Variants in UMAD1 observed in about 807,000 individuals in gnomAD.
UMAD1 encodes UBAP1-MVB12-associated (UMA) domain containing 1, also known as UBAP1-MVB12-associated (UMA)-domain containing protein 1.
In UMAD1, 8 loss-of-function variants were observed where a neutral mutation model predicts 6.1. The ratio of observed to expected loss-of-function variants is 1.30; its 90% CI spans 0.76 to 2.35. The LOEUF is 2.35. UMAD1 is among the 30% of genes most tolerant of loss of function. The pLI, the probability that UMAD1 is intolerant of heterozygous loss-of-function variation, is 0.00. For missense variants in UMAD1, 130 were observed against 78.4 expected (o/e 1.66, Z -2.49); for synonymous variants, 56 against 31.4 (o/e 1.78, Z -2.61).
chr7:7,763,223 T>G (rs1386358237), intron 2 of UMAD1, among the ~76,000 whole-genome samples: 1 of 152,248 alleles, frequency 6.6e-6, no homozygotes, highest in Non-Finnish European at 1.5e-5. Flanking sequence ...TTAAAGCCAA[T>G]GACATTTTAA....
intron 2 of UMAD1, among the ~76,000 whole-genome samples, chr7:7,723,219 G>A (rs1039026918): frequency 4.6e-5 from 7 of 152,296 alleles, no homozygotes; most frequent in Middle Eastern, 3.4e-3. Flanking sequence ...AAATTTTTCA[G>A]TTTACATAAG....
At chr7:7,785,931 C>T (rs1175434230) in intron 2 of UMAD1, among the ~76,000 whole-genome samples, 1 of 152,138 alleles carries the variant, frequency 6.6e-6, no homozygotes, top group African/African-American at 2.4e-5. Flanking sequence ...ATCTGTATAT[C>T]ATATTCATGT....
chr7:7,777,011 G>A (rs762282920), intron 2 of UMAD1, among the ~76,000 whole-genome samples: 8 of 152,104 alleles, frequency 5.3e-5, no homozygotes, highest in Non-Finnish European at 1.2e-4. Context: ...ATGCTTGTAT[G>A]CAAAAGGTAG....
At chr7:7,717,680 T>G (rs1473961158) in intron 2 of UMAD1, among the ~76,000 whole-genome samples, 1 of 152,146 alleles carries the variant, frequency 6.6e-6, no homozygotes, top group African/African-American at 2.4e-5. Flanking sequence ...CAGCATGGAG[T>G]ATTTGGAAAA....
intron 2 of UMAD1, among the ~76,000 whole-genome samples, chr7:7,714,509 A>T (rs1318907218): frequency 6.6e-6 from 1 of 152,258 alleles, no homozygotes; most frequent in Non-Finnish European, 1.5e-5. Context: ...ATATAGTTTA[A>T]TTGCTAAAAT....
At chr7:7,658,108 G>C (rs1485447588) in intron 1 of UMAD1, among the ~76,000 whole-genome samples, 1 of 152,088 alleles carries the variant, frequency 6.6e-6, no homozygotes, top group Non-Finnish European at 1.5e-5. Flanking sequence ...TTGGCTCTCT[G>C]TTTGTCTATT....
intron 2 of UMAD1, among the ~76,000 whole-genome samples, chr7:7,783,123 G>A (rs1019908157): frequency 1.3e-5 from 2 of 152,152 alleles, no homozygotes; most frequent in Admixed American, 6.6e-5. Context: ...TGGTTTTGCT[G>A]ATTTTTAGGA....
chr7:7,687,575 C>G (rs10254022), intron 2 of UMAD1, among the ~76,000 whole-genome samples: 1,607 of 152,280 alleles, frequency 0.011, 25 homozygotes, highest in African/African-American at 0.033. Flanking sequence ...ACCAGAAAGT[C>G]TATTCACACC....
In UMAD1 at chr7:7,796,244, C is replaced by CTTTTTTTTTTTTTT. The variant is rs59221325; in HGVS notation, c.83-5415_83-5402dup. ...ACTTTGACCCATTTCTATTTTCTTT[C>CTTTTTTTTTTTTTT]TTTTTTTTTTTTTTTTTTTTTTTTG... On this transcript the variant is annotated intron_variant, in intron 2 of 3. Transcript: ENST00000682710. Among the ~76,000 whole-genome samples, 73 of 63,954 alleles carry CTTTTTTTTTTTTTT rather than the reference C, an allele frequency of 1.1e-3. 5 individuals are homozygous for CTTTTTTTTTTTTTT. Among genetic ancestry groups the CTTTTTTTTTTTTTT allele is most frequent in the African/African-American group, 3.8e-3 (39 of 10,246 alleles). 42.0% of individuals were successfully genotyped at this position (63,954 alleles called of 152,430 possible). A position where few individuals can be genotyped will look rare whatever the true frequency, so the allele number is the denominator to read the frequency against.
At position 7,654,641 on chromosome 7, in the gene UMAD1, G is replaced by C. The variant is rs562359110; in HGVS notation, c.-64+13820G>C. ...ATTTGGGCTGGGTGCGGTGGCTCATGCTTGTAATCCCAGCACTTTGGGAGC... is the reference window on the plus strand; with the variant it reads ...ATTTGGGCTGGGTGCGGTGGCTCATCCTTGTAATCCCAGCACTTTGGGAGC... On this transcript the variant is annotated intron_variant, in intron 1 of 3. Coordinates refer to ENST00000682710, the MANE Select transcript of UMAD1 (RefSeq NM_001302348.2). Among the ~76,000 whole-genome samples the C allele has an allele frequency of 2.6e-5, 4 of 152,330 alleles. No individual in the cohort carries two copies. The East Asian group carries it at 5.8e-4, about 22-fold the overall frequency.
intron 1 of UMAD1, among the ~76,000 whole-genome samples, chr7:7,643,386 G>C (rs986458839): frequency 2.6e-5 from 4 of 152,182 alleles, no homozygotes; most frequent in African/African-American, 9.7e-5. Context: ...CCTAAGGAAA[G>C]AATCATGGGA....
At chr7:7,701,979 A>G (rs1241105170) in intron 2 of UMAD1, among the ~76,000 whole-genome samples, 2 of 152,232 alleles carry the variant, frequency 1.3e-5, no homozygotes, top group African/African-American at 4.8e-5. Context: ...AATTTTCCAA[A>G]TAAGAGTGGC....
At chr7:7,827,137 A>ATGTGTGTGTGTGTG (rs374866603) in intron 3 of UMAD1, among the ~76,000 whole-genome samples, 38 of 129,598 alleles carry the variant, frequency 2.9e-4, no homozygotes, top group African/African-American at 6.8e-4. Flanking sequence ...ATATATATAT[A>ATGTGTGTGTGTGTG]TATATATATA....
intron 2 of UMAD1, among the ~76,000 whole-genome samples, chr7:7,798,971 T>A (rs1414235986): frequency 6.6e-6 from 1 of 152,226 alleles, no homozygotes; most frequent in African/African-American, 2.4e-5. Flanking sequence ...TTTGTTGAAA[T>A]GTCTGAGTTG....
intron 3 of UMAD1, among the ~76,000 whole-genome samples, chr7:7,807,600 A>G (rs183497811): frequency 1.3e-3 from 191 of 152,190 alleles, no homozygotes; most frequent in Admixed American, 9.7e-3. Context: ...TAACATCTAG[A>G]TGGAATAGAA....
At chr7:7,793,013 A>G (rs928517306) in intron 2 of UMAD1, among the ~76,000 whole-genome samples, 10 of 152,118 alleles carry the variant, frequency 6.6e-5, no homozygotes, top group African/African-American at 2.2e-4. Flanking sequence ...TTAGGTTTCA[A>G]TATACGAATT....
intron 2 of UMAD1, among the ~76,000 whole-genome samples, chr7:7,796,493 C>T (rs7810258): frequency 0.079 from 12,044 of 151,906 alleles, 632 homozygotes; most frequent in African/African-American, 0.15. Context: ...TCAGGTGATC[C>T]GCCTGCCTCG....
intron 2 of UMAD1, among the ~76,000 whole-genome samples, chr7:7,706,066 A>C (rs1198428908): frequency 1.3e-5 from 2 of 152,202 alleles, no homozygotes; most frequent in Non-Finnish European, 2.9e-5. Context: ...TATTCCCTAG[A>C]ATAAATTATG....
At chr7:7,671,280 C>T (rs1433523999) in intron 1 of UMAD1, among the ~76,000 whole-genome samples, 2 of 152,130 alleles carry the variant, frequency 1.3e-5, no homozygotes, top group African/African-American at 4.8e-5. Context: ...ATCTTTTTCA[C>T]CTCTGTGCAT....
Sources: gnomAD v4.1 joint callset for allele counts (sites outside exome capture counted in the v4.1 genomes callset) on GRCh38, gnomAD v4.1.1 for gene constraint, MANE v1.5 for transcripts, NCBI Gene and HGNC (gene_info 2026-07-23, HGNC 2026-07-21) for gene names.